GTF2E2: variants seen among roughly 807,000 people sequenced by gnomAD.
GTF2E2 encodes the protein transcription initiation factor IIE subunit beta.
Under a neutral mutation model 40.5 loss-of-function variants are expected in GTF2E2, and 21 were observed. That is an observed-to-expected ratio of 0.52 (90% CI 0.37 to 0.75). The LOEUF (loss-of-function observed/expected upper bound fraction) is 0.75. Among genes scored for constraint, GTF2E2 ranks in the 30% least tolerant of loss-of-function variants. The pLI is 0.00. For synonymous variants in GTF2E2, 117 were observed against 121.6 expected (o/e 0.96, Z 0.25); for missense variants, 298 against 338.4 (o/e 0.88, Z 0.94).
chr8:30,614,648 A>C lies in GTF2E2; in HGVS notation c.326T>G (p.Leu109Ter). Residue 109 changes from leucine (L) to a stop codon, truncating the protein, a stop_gained, in exon 4 of 8, where the codon TTA becomes TGA. Transcript: ENST00000355904. LOFTEE classifies it high-confidence loss of function. ...TTGTTTCTGCTTGAGTCCAATATCTAAATGTTGTGTTTCATCCAAAATTTC... is the reference window on the plus strand; with the variant it reads ...TTGTTTCTGCTTGAGTCCAATATCTCAATGTTGTGTTTCATCCAAAATTTC... ...LDEILDETQH[L>*]DIGLKQKQWL... 6.2e-7 allele frequency: 1 copy of C among 1,607,600 alleles called. No individual in the cohort carries two copies. Among genetic ancestry groups the C allele is most frequent in the East Asian group, 2.2e-5 (1 of 44,816 alleles).
intron 3 of GTF2E2, among the ~76,000 whole-genome samples, chr8:30,627,741 C>T (rs548354088): frequency 6.6e-6 from 1 of 152,288 alleles, no homozygotes; most frequent in African/African-American, 2.4e-5. Context: ...GCACCTAAAT[C>T]TCTTGCTACA....
At chr8:30,609,279 A>AG (rs1313758484) in intron 5 of GTF2E2, among the ~76,000 whole-genome samples, 5 of 126,394 alleles carry the variant, frequency 4.0e-5, no homozygotes, top group African/African-American at 1.6e-4. Flanking sequence ...AAAAAAAAAA[A>AG]AGAGAAAGAA....
intron 6 of GTF2E2, among the ~76,000 whole-genome samples, chr8:30,597,724 G>A (rs867856661): frequency 5.3e-5 from 8 of 152,190 alleles, no homozygotes; most frequent in Non-Finnish European, 1.2e-4. Flanking sequence ...AGGTAGGAAC[G>A]ATGCTCTCTC....
chr8:30,586,889 T>G (rs1383197681), intron 6 of GTF2E2, among the ~76,000 whole-genome samples: 1 of 152,148 alleles, frequency 6.6e-6, no homozygotes, highest in Non-Finnish European at 1.5e-5. Context: ...ACATAAGACC[T>G]GAACCTGTGA....
At chr8:30,618,775 T>C (rs1237162544) in intron 3 of GTF2E2, among the ~76,000 whole-genome samples, 1 of 152,208 alleles carries the variant, frequency 6.6e-6, no homozygotes, top group Admixed American at 6.5e-5. Context: ...TGGCATTTAA[T>C]GATGTGTAAA....
At chr8:30,584,009 T>C (rs1828597526) in intron 6 of GTF2E2, among the ~76,000 whole-genome samples, 3 of 151,144 alleles carry the variant, frequency 2.0e-5, no homozygotes, top group Admixed American at 2.0e-4. Context: ...GGTTTCACCG[T>C]GTTATCCAGG....
At chr8:30,579,365 T>C (rs574679556) in intron 7 of GTF2E2, among the ~76,000 whole-genome samples, 4 of 152,322 alleles carry the variant, frequency 2.6e-5, no homozygotes, top group East Asian at 3.9e-4. Flanking sequence ...GTATCCACCA[T>C]TACCGATTTT....
intron 2 of GTF2E2, 58 bp downstream of exon 2, chr8:30,653,375 C>T (rs1368095981): frequency 3.0e-6 from 4 of 1,333,496 alleles, no homozygotes; most frequent in Admixed American, 1.9e-5. Flanking sequence ...CATAACTAAA[C>T]GGTTTCCTCC....
At chr8:30,595,980 T>C (rs903650146) in intron 6 of GTF2E2, among the ~76,000 whole-genome samples, 3 of 152,256 alleles carry the variant, frequency 2.0e-5, no homozygotes, top group African/African-American at 4.8e-5. Context: ...TGCTGCATTA[T>C]CTTTCGGTCT....
At chr8:30,617,859 T>C (rs963644912) in intron 3 of GTF2E2, among the ~76,000 whole-genome samples, 2 of 152,098 alleles carry the variant, frequency 1.3e-5, no homozygotes, top group Non-Finnish European at 2.9e-5. Flanking sequence ...CATGATTAAC[T>C]AGAATACGGG....
chr8:30,606,183 T>G (rs1829311430), intron 6 of GTF2E2, among the ~76,000 whole-genome samples: 1 of 152,224 alleles, frequency 6.6e-6, no homozygotes, highest in Non-Finnish European at 1.5e-5. Flanking sequence ...TCTGCACATT[T>G]TTATTTAATT....
chr8:30,637,576 A>G (rs1462102266), intron 2 of GTF2E2, among the ~76,000 whole-genome samples: 1 of 151,862 alleles, frequency 6.6e-6, no homozygotes, highest in South Asian at 2.1e-4. Flanking sequence ...CAGGCTGGAG[A>G]GCAGTGGTGT....
chr8:30,611,516 CAAAG>C (rs1164726209), intron 5 of GTF2E2, among the ~76,000 whole-genome samples: 3 of 151,838 alleles, frequency 2.0e-5, no homozygotes, highest in African/African-American at 4.8e-5. Context: ...GAAAAATTTA[CAAAG>C]AAAGACTAGA....
intron 2 of GTF2E2, among the ~76,000 whole-genome samples, chr8:30,649,036 G>A (rs1802191064): frequency 6.6e-6 from 1 of 152,296 alleles, no homozygotes; most frequent in African/African-American, 2.4e-5. Context: ...CAGGTCAAAG[G>A]CTCAAGTGGC....
In GTF2E2 at chr8:30,653,528, T is replaced by A; in HGVS notation, c.71A>T (p.Lys24Ile). 1 of 1,612,930 alleles carries A rather than the reference T, an allele frequency of 6.2e-7. No individual in the cohort carries two copies. The highest frequency in any genetic ancestry group is 8.5e-7 in the Non-Finnish European group (1 of 1,178,928). Residue 24 changes from lysine to isoleucine, a missense_variant, in exon 2 of 8, where the codon AAA becomes ATA. Coordinates refer to ENST00000355904, the MANE Select transcript of GTF2E2 (RefSeq NM_002095.6). Reference protein sequence around the residue: ...KRALSTPVVEKRSASSESSSS... With the variant: ...KRALSTPVVEIRSASSESSSS... ...TGATGACTCAGAAGATGCTGAACGT[T>A]TTTCTACTACAGGAGTAGAAAGAGC...
intron 2 of GTF2E2, among the ~76,000 whole-genome samples, chr8:30,650,634 TGCAGTGAGCCATGATCACGCCA>T (rs1043122963): frequency 4.6e-5 from 7 of 152,014 alleles, no homozygotes; most frequent in African/African-American, 7.2e-5. Flanking sequence ...GTTTCGAGGC[TGCAGTGAGCCATGATCACGCCA>T]GCAGTGAGCC....
intron 2 of GTF2E2, among the ~76,000 whole-genome samples, chr8:30,652,368 T>G (rs975166288): frequency 6.6e-6 from 1 of 151,680 alleles, no homozygotes; most frequent in Non-Finnish European, 1.5e-5. Flanking sequence ...ATTAAATCAA[T>G]AGAGAGAGGA....
intron 3 of GTF2E2, among the ~76,000 whole-genome samples, chr8:30,620,930 GAA>G (rs60829571): frequency 7.1e-6 from 1 of 140,036 alleles, no homozygotes; most frequent in African/African-American, 2.6e-5. Flanking sequence ...TTACATCTTG[GAA>G]AAAAAAAAAA....
intron 6 of GTF2E2, among the ~76,000 whole-genome samples, chr8:30,581,690 G>A (rs771287257): frequency 7.2e-5 from 11 of 152,082 alleles, no homozygotes; most frequent in Non-Finnish European, 1.3e-4. Context: ...CCCACTGAAC[G>A]TTCATCTGCA....
Sources: gnomAD v4.1 joint callset for allele counts (sites outside exome capture counted in the v4.1 genomes callset) on GRCh38, gnomAD v4.1.1 for gene constraint, MANE v1.5 for transcripts, NCBI Gene and HGNC (gene_info 2026-07-23, HGNC 2026-07-21) for gene names.